The following PLCB1 variants were observed in gnomAD, a reference collection of about 807,000 sequenced individuals.
The protein encoded by PLCB1 is phospholipase C beta 1, also known as 1-phosphatidylinositol 4,5-bisphosphate phosphodiesterase beta-1.
In PLCB1, 46 loss-of-function variants were observed where a neutral mutation model predicts 161.8. The ratio of observed to expected loss-of-function variants is 0.28; its 90% CI spans 0.22 to 0.36. The LOEUF (loss-of-function observed/expected upper bound fraction) is 0.36, where lower values mean the gene tolerates loss of function less well. PLCB1 is among the 10% of genes least tolerant of loss of function. The pLI is 1.00. For missense variants in PLCB1, 1,016 were observed against 1,472.5 expected (o/e 0.69, Z 5.07); for synonymous variants, 517 against 503.7 (o/e 1.03, Z -0.35).
chr20:8,866,642 G>A (rs571107377), intron 31 of PLCB1, among the ~76,000 whole-genome samples: 1 of 152,300 alleles, frequency 6.6e-6, no homozygotes, highest in Admixed American at 6.5e-5. Flanking sequence ...TAGTAATCTA[G>A]TTAGAAGAAC....
chr20:8,138,888 A>G (rs753093448), intron 1 of PLCB1, among the ~76,000 whole-genome samples: 2 of 152,098 alleles, frequency 1.3e-5, no homozygotes, highest in Non-Finnish European at 2.9e-5. Flanking sequence ...TTTGTATTCC[A>G]AAAATGGTTT....
intron 29 of PLCB1, 77 bp from the exon 30 acceptor site, chr20:8,789,441 T>C: frequency 2.2e-6 from 2 of 915,406 alleles, no homozygotes; most frequent in South Asian, 1.3e-5. Context: ...CTGTAACCTT[T>C]TATCTAGAAG....
In PLCB1 at chr20:8,583,402, A is replaced by G. The variant is rs141851030; in HGVS notation, c.247-44892A>G. On this transcript the variant is annotated intron_variant, in intron 3 of 31. Transcript: ENST00000338037. ...AAAAATACAAAATAAAAGACATTAA[A>G]TAGTTTTTTTAAAAAACATAAAATA... Among the ~76,000 whole-genome samples the G allele has an allele frequency of 4.5e-3, 682 of 152,362 alleles. 5 individuals are homozygous for G. The highest frequency in any genetic ancestry group is 0.013 in the African/African-American group (550 of 41,584).
In PLCB1 at chr20:8,733,447, A is replaced by C. The variant is rs986228325; in HGVS notation, c.2043+55A>C. ...TAACAATAGTGTTGAATTTATCTACATTGCATAAAGAAGTGGCTTAGTCAT... is the reference window on the plus strand; with the variant it reads ...TAACAATAGTGTTGAATTTATCTACCTTGCATAAAGAAGTGGCTTAGTCAT... On this transcript the variant is annotated intron_variant, in intron 19 of 31. Transcript: ENST00000338037. 5.5e-6 allele frequency: 8 copies of C among 1,467,344 alleles called. No individual in the cohort carries two copies. The African/African-American group carries it at 9.7e-5, about 18-fold the overall frequency. 90.9% of individuals were successfully genotyped at this position (1,467,344 alleles called of 1,614,324 possible).
intron 2 of PLCB1, among the ~76,000 whole-genome samples, chr20:8,335,008 T>G (rs925039601): frequency 1.3e-5 from 2 of 152,210 alleles, no homozygotes; most frequent in Non-Finnish European, 2.9e-5. Flanking sequence ...TGACACAGAT[T>G]AATGCAATGC....
chr20:8,190,068 T>A (rs2051950899), intron 2 of PLCB1, among the ~76,000 whole-genome samples: 1 of 152,104 alleles, frequency 6.6e-6, no homozygotes, highest in South Asian at 2.1e-4. Context: ...CCCTGACATA[T>A]AAATATATGA....
At chr20:8,182,380 G>T (rs182120909) in intron 2 of PLCB1, among the ~76,000 whole-genome samples, 209 of 152,204 alleles carry the variant, frequency 1.4e-3, no homozygotes, top group African/African-American at 4.7e-3. Flanking sequence ...GTGATGGTGT[G>T]TCATATCTGA....
At chr20:8,274,562 A>G (rs768720689) in intron 2 of PLCB1, among the ~76,000 whole-genome samples, 5 of 152,028 alleles carry the variant, frequency 3.3e-5, no homozygotes, top group African/African-American at 9.7e-5. Context: ...TACTAGCACT[A>G]TATTTAAATA....
intron 19 of PLCB1, 81 bp from the exon 20 acceptor site, chr20:8,736,947 G>C: frequency 9.6e-7 from 1 of 1,037,800 alleles, no homozygotes; most frequent in South Asian, 1.5e-5. Context: ...AGCATTTGTG[G>C]CTCTTTAAAG....
chr20:8,226,854 A>AT (rs1979717324), intron 2 of PLCB1, among the ~76,000 whole-genome samples: 1 of 151,798 alleles, frequency 6.6e-6, no homozygotes, highest in Admixed American at 6.6e-5. Context: ...CGTCTGGCTA[A>AT]TTTTTTGTAT....
intron 12 of PLCB1, among the ~76,000 whole-genome samples, chr20:8,714,106 C>G (rs1243548335): frequency 6.6e-6 from 1 of 152,034 alleles, no homozygotes; most frequent in Admixed American, 6.5e-5. Context: ...GCTGACTTAC[C>G]TTAATCAATC....
chr20:8,863,759 T>C (rs1987332927), intron 31 of PLCB1, among the ~76,000 whole-genome samples: 1 of 152,234 alleles, frequency 6.6e-6, no homozygotes, highest in Non-Finnish European at 1.5e-5. Context: ...TACTTCTAAC[T>C]GGAAGAGTTA....
intron 15 of PLCB1, 36 bp downstream of exon 15, chr20:8,722,457 C>T: frequency 1.3e-6 from 2 of 1,502,812 alleles, no homozygotes; most frequent in Non-Finnish European, 1.8e-6. Context: ...TAAGGCATTC[C>T]ACCACCCTGT....
chr20:8,803,777 T>TTCTG (rs1555791784), intron 31 of PLCB1, among the ~76,000 whole-genome samples: 4 of 151,016 alleles, frequency 2.6e-5, no homozygotes, highest in Non-Finnish European at 4.4e-5. Flanking sequence ...GTTTTGTGTT[T>TTCTG]TTTGTTTGTT....
chr20:8,779,456 A>G (rs1568596469), intron 27 of PLCB1, among the ~76,000 whole-genome samples: 1 of 146,810 alleles, frequency 6.8e-6, no homozygotes, highest in Admixed American at 6.9e-5. Context: ...TGTTCATATC[A>G]TGATACGAGA....
At chr20:8,761,092 T>G (rs1981999245) in intron 25 of PLCB1, among the ~76,000 whole-genome samples, 1 of 152,124 alleles carries the variant, frequency 6.6e-6, no homozygotes, top group African/African-American at 2.4e-5. Context: ...GGTAAATAAA[T>G]TGTGATAAAT....
chr20:8,555,274 A>G (rs1985913832), intron 3 of PLCB1, among the ~76,000 whole-genome samples: 2 of 152,230 alleles, frequency 1.3e-5, no homozygotes, highest in Admixed American at 1.3e-4. Flanking sequence ...ATGGGTTTCA[A>G]AAGGCAAGGT....
chr20:8,814,134 G>A (rs181722240), intron 31 of PLCB1, among the ~76,000 whole-genome samples: 3 of 152,056 alleles, frequency 2.0e-5, no homozygotes, highest in South Asian at 2.1e-4. Flanking sequence ...ATGATCATTC[G>A]TATATCTACA....
Position 8,717,653 on chromosome 20 carries a change from G to C in PLCB1, c.1336-18G>C, listed in dbSNP as rs140846963. On this transcript the variant is annotated intron_variant, in intron 13 of 31. Coordinates refer to ENST00000338037, the MANE Select transcript of PLCB1 (RefSeq NM_015192.4). ...AGGGAGCAGTATTTTTAAAGAATAT[G>C]CCTTTCATTTCTATTAGCTGGAATC... 1.9e-6 allele frequency: 3 copies of C among 1,588,104 alleles called. No homozygotes were observed. Among genetic ancestry groups the C allele is most frequent in the East Asian group, 4.5e-5 (2 of 44,734 alleles).
Sources: gnomAD v4.1 joint callset for allele counts (sites outside exome capture counted in the v4.1 genomes callset) on GRCh38, gnomAD v4.1.1 for gene constraint, MANE v1.5 for transcripts, NCBI Gene and HGNC (gene_info 2026-07-23, HGNC 2026-07-21) for gene names.